The following WDR90 variants were observed in gnomAD, a reference collection of about 807,000 sequenced individuals.
WDR90 encodes the protein WD repeat-containing protein 90.
Under a neutral mutation model 195.2 loss-of-function variants are expected in WDR90, and 238 were observed. The observed-to-expected ratio is 1.22, with a 90% CI of 1.10 to 1.36. The LOEUF is 1.36. Ranked by LOEUF, WDR90 falls within the 40% of genes most tolerant of loss-of-function variation. The pLI, the probability that WDR90 is intolerant of heterozygous loss-of-function variation, is 0.00. For synonymous variants in WDR90, 1,265 were observed against 1,052.4 expected (o/e 1.20, Z -3.91); for missense variants, 2,734 against 2,439.5 (o/e 1.12, Z -2.54).
intron 40 of WDR90, 53 bp from the exon 41 acceptor site, chr16:667,379 C>T (rs1596475124): frequency 6.4e-7 from 1 of 1,552,252 alleles, no homozygotes; most frequent in East Asian, 2.3e-5. Context: ...TGGGGGAGCC[C>T]TCTGAGTGCT....
At chr16:649,663 A>T in intron 1 of WDR90, 100 bp from the exon 2 acceptor site, 2 of 1,229,042 alleles carry the variant, frequency 1.6e-6, no homozygotes, top group Non-Finnish European at 1.1e-6. Context: ...AGGCGCGGAG[A>T]GCCCCGGCTC....
Position 650,728 on chromosome 16 carries a change from C to G in WDR90, c.559+19C>G, listed in dbSNP as rs766567358. ...GAGCCTGGTGAGGGCCGCACCTGCA[C>G]TCCCCACTCCATATCTCACCCATGC... On this transcript the variant is annotated intron_variant, in intron 5 of 40. Coordinates refer to ENST00000293879, the MANE Select transcript of WDR90 (RefSeq NM_145294.5). The G allele has an allele frequency of 1.9e-6, 3 of 1,598,198 alleles. No individual in the cohort carries two copies. The highest frequency in any genetic ancestry group is 4.5e-5 in the East Asian group (2 of 44,410).
rs1293756650 is a variant in WDR90, at chr16:652,034, T to C, written c.1048T>C (p.Cys350Arg). 6.3e-7 allele frequency: 1 copy of C among 1,592,616 alleles called. No individual in the cohort carries two copies. Among genetic ancestry groups the C allele is most frequent in the East Asian group, 2.3e-5 (1 of 43,948 alleles). The part of the protein sequence containing the change: ...AEVPVARTGS[C>R]EGFLPDPVLR... Reference sequence around the variant, plus strand: ...GGTGCCCGTGGCCCGCACCGGCTCCTGCGAAGTGAGTGCCCATCCCACAGC... The same window carrying C: ...GGTGCCCGTGGCCCGCACCGGCTCCCGCGAAGTGAGTGCCCATCCCACAGC... Residue 350 changes from cysteine to arginine, a missense_variant, in exon 9 of 41, where the codon TGC (cysteine) becomes CGC (arginine). By Grantham distance (180) the Cys-to-Arg change is radical (BLOSUM62 -3). Transcript: ENST00000293879.
At position 650,310 on chromosome 16, in the gene WDR90, G is replaced by C. The variant is rs201366233; in HGVS notation, c.336G>C (p.Thr112=). Residue 112 remains threonine (T), a synonymous_variant, in exon 4 of 41, where the codon ACG becomes ACC. Transcript: ENST00000293879. ...ACCTCTTCAAGGAGTTTAAGTCTAC[G>C]GCCACGTGGCTCCAGTTTCCCTTGG... ...FSNLFKEFKS[T]ATWLQFPLVL... is the part of the protein sequence containing the mutation. The C allele has an allele frequency of 8.1e-6, 13 of 1,612,934 alleles. No individual in the cohort carries two copies. The highest frequency in any genetic ancestry group is 2.2e-5 in the East Asian group (1 of 44,878).
chr16:654,161 G>A lies in WDR90; in HGVS notation c.1437+358G>A, dbSNP rs557026020. On this transcript the variant is annotated intron_variant, in intron 13 of 40. Transcript: ENST00000293879. ...GCATCAATGGCACCTCCACACAGCC[G>A]AAGCACCCGGCATCTTGGTGGGGGC... 8.1e-4 allele frequency: 267 copies of A among 329,432 alleles called. 1 individual carries two copies. The highest frequency in any genetic ancestry group is 1.3e-3 in the Non-Finnish European group (244 of 181,382). 20.4% of individuals were successfully genotyped at this position (329,432 alleles called of 1,614,324 possible).
chr16:656,448 G>C lies in WDR90; in HGVS notation c.2113G>C (p.Ala705Pro), dbSNP rs1463889533. 7.5e-6 allele frequency: 12 copies of C among 1,600,764 alleles called. No homozygotes were observed. In the East Asian group the frequency reaches 2.7e-4, roughly 36 times the overall value. The change falls in exon 18 of 41, where the codon GCC (alanine) becomes CCC (proline). Residue 705 changes from alanine to proline, a missense_variant. Coordinates refer to ENST00000293879, the MANE Select transcript of WDR90 (RefSeq NM_145294.5). ...LARSHTAPVL[A>P]LAMEQRRGQL... ...TCGCTCCCACACCGCCCCGGTGTTG[G>C]CCCTCGCCATGGAGCAGAGGCGGGG...
At position 650,726 on chromosome 16, in the gene WDR90, C is replaced by T. The variant is rs1268820108; in HGVS notation, c.559+17C>T. On this transcript the variant is annotated intron_variant, in intron 5 of 40. Transcript: ENST00000293879. ...TTGAGCCTGGTGAGGGCCGCACCTGCACTCCCCACTCCATATCTCACCCAT... is the reference window on the plus strand; with the variant it reads ...TTGAGCCTGGTGAGGGCCGCACCTGTACTCCCCACTCCATATCTCACCCAT... The T allele has an allele frequency of 1.9e-6, 3 of 1,598,440 alleles. No homozygotes were observed. The highest frequency in any genetic ancestry group is 2.2e-5 in the South Asian group (2 of 90,690).
At chr16:660,846 A>G (rs2037881642) in intron 28 of WDR90, 132 bp downstream of exon 28, 5 of 1,084,698 alleles carry the variant, frequency 4.6e-6, no homozygotes, top group East Asian at 3.3e-5. Context: ...TTCTCCCGGT[A>G]GCGCCTCCTG....
chr16:650,036 T>C lies in WDR90; in HGVS notation c.148T>C (p.Ser50Pro), dbSNP rs1247098362. The C allele has an allele frequency of 8.1e-6, 13 of 1,612,866 alleles. No individual in the cohort carries two copies. The highest frequency in any genetic ancestry group is 1.1e-5 in the Non-Finnish European group (13 of 1,179,982). ...CGTGTATCGCATTCGGGGCTCAGTCTCTGCCGCCAACTACATCCAGCTCCC... is the reference window on the plus strand; with the variant it reads ...CGTGTATCGCATTCGGGGCTCAGTCCCTGCCGCCAACTACATCCAGCTCCC... The part of the protein sequence containing the change: ...GAVYRIRGSV[S>P]AANYIQLPKS... Residue 50 changes from serine to proline, a missense_variant, in exon 3 of 41, where the codon TCT (serine) becomes CCT (proline). By Grantham distance (74) the Ser-to-Pro change is moderately conservative (BLOSUM62 -1). Transcript: ENST00000293879.
intron 17 of WDR90, 156 bp from the exon 18 acceptor site, chr16:656,146 G>A: frequency 1.3e-6 from 1 of 797,426 alleles, no homozygotes; most frequent in Non-Finnish European, 2.0e-6. Context: ...TAGCCTAAGA[G>A]TGGTGGCCTC....
At position 655,680 on chromosome 16, in the gene WDR90, C is replaced by T; in HGVS notation, c.1826C>T (p.Pro609Leu). 7 of 1,599,194 alleles carry T rather than the reference C, an allele frequency of 4.4e-6. No homozygotes were observed. The highest frequency in any genetic ancestry group is 1.7e-4 in the Middle Eastern group (1 of 6,034). Reference protein sequence around the residue: ...LPTRTPGGPHPQKQTFSSGPG... With the variant: ...LPTRTPGGPHLQKQTFSSGPG... ...ACACGGACTCCAGGCGGTCCCCACCCACAGAAGCAGACCTTCAGCTCAGGT... is the reference window on the plus strand; with the variant it reads ...ACACGGACTCCAGGCGGTCCCCACCTACAGAAGCAGACCTTCAGCTCAGGT... Residue 609 changes from proline (P) to leucine (L), a missense_variant, in exon 16 of 41, where the codon CCA becomes CTA. By Grantham distance (98) the Pro-to-Leu change is moderately conservative. Coordinates refer to ENST00000293879, the MANE Select transcript of WDR90 (RefSeq NM_145294.5).
intron 27 of WDR90, 71 bp from the exon 28 acceptor site, chr16:660,541 C>T (rs927828882): frequency 1.4e-6 from 2 of 1,467,804 alleles, no homozygotes; most frequent in African/African-American, 1.4e-5. Flanking sequence ...AACACAGCCT[C>T]CCATGTGCAG....
At chr16:649,027 C>T, upstream of WDR90, 1 of 207,952 alleles carries the variant, frequency 4.8e-6, no homozygotes, top group East Asian at 1.0e-4. Context: ...AGGGTGAGGC[C>T]CGGCCGTCCG....
chr16:659,440 GGCA>G, intron 26 of WDR90, 64 bp downstream of exon 26: 3 of 1,556,402 alleles, frequency 1.9e-6, no homozygotes, highest in Non-Finnish European at 2.6e-6. Context: ...CAGGCCCAGT[GGCA>G]GCAGGTACTC....
In WDR90 at chr16:666,551, T is replaced by G. The variant is rs774528359; in HGVS notation, c.4837T>G (p.Cys1613Gly). 1 of 1,612,742 alleles carries G rather than the reference T, an allele frequency of 6.2e-7. No individual in the cohort carries two copies. Among genetic ancestry groups the G allele is most frequent in the South Asian group, 1.1e-5 (1 of 91,084 alleles). ...GGCCTCCGACTGGCTGCGGAACCAC[T>G]GTGAGCTTGTGGACTGGTTGAGTTT... Reference protein sequence around the residue: ...VWASDWLRNHCELVDWLSFPM... With the variant: ...VWASDWLRNHGELVDWLSFPM... Residue 1613 changes from cysteine (C) to glycine (G), a missense_variant, in exon 38 of 41, where the codon TGT becomes GGT. Transcript: ENST00000293879.
In WDR90 at chr16:658,164, C is replaced by T. The variant is rs374695154; in HGVS notation, c.2605-19C>T. The T allele has an allele frequency of 5.0e-6, 8 of 1,599,930 alleles. No homozygotes were observed. Among genetic ancestry groups the T allele is most frequent in the African/African-American group, 2.7e-5 (2 of 74,760 alleles). On this transcript the variant is annotated intron_variant, in intron 21 of 40. Coordinates refer to ENST00000293879, the MANE Select transcript of WDR90 (RefSeq NM_145294.5). ...CTGCCCAGGGGCCCTGACTGTCGGC[C>T]ACTTACCACTACCCCCAGCTGCTGC...
rs756330402 is a variant in WDR90 at position 650,659 on chromosome 16, C to T, written c.509C>T (p.Ala170Val). 1.1e-5 allele frequency: 18 copies of T among 1,612,530 alleles called. No individual in the cohort carries two copies. The highest frequency in any genetic ancestry group is 1.4e-5 in the Non-Finnish European group (16 of 1,179,806). The change falls in exon 5 of 41, where the codon GCC becomes GTC. Residue 170 changes from alanine to valine, a missense_variant. Coordinates refer to ENST00000293879, the MANE Select transcript of WDR90 (RefSeq NM_145294.5). ...CATCTCAAGAGCATCAGGCTGTGCG[C>T]CAGCCTGCTGGTCAGGAACCTGTAC... ...YGHLKSIRLC[A>V]SLLVRNLYTS... is the part of the protein sequence containing the mutation.
At position 653,745 on chromosome 16, in the gene WDR90, G is replaced by C. The variant is rs1412225942; in HGVS notation, c.1380-1G>C. 2.5e-6 allele frequency: 4 copies of C among 1,613,328 alleles called. No individual in the cohort carries two copies. The South Asian group carries it at 4.4e-5, about 18-fold the overall frequency. ...AATGACCACCTCCTCCCTGTTCACAGCTTCTCTGACAGCGGGGCCCTTCTC... is the reference window on the plus strand; with the variant it reads ...AATGACCACCTCCTCCCTGTTCACACCTTCTCTGACAGCGGGGCCCTTCTC... On this transcript the variant is annotated splice_acceptor_variant, in intron 12 of 40. Coordinates refer to ENST00000293879, the MANE Select transcript of WDR90 (RefSeq NM_145294.5). LOFTEE classifies it high-confidence loss of function.
At chr16:649,244 C>T (rs1178337859), upstream of WDR90, 6 of 703,638 alleles carry the variant, frequency 8.5e-6, no homozygotes, top group East Asian at 2.1e-4. Context: ...CTGGAGGCCG[C>T]TGACGTGAGC....
Sources: allele counts gnomAD v4.1 joint callset, GRCh38; gene constraint gnomAD v4.1.1; transcripts MANE v1.5; gene names NCBI Gene and HGNC (gene_info 2026-07-23, HGNC 2026-07-21).